Variants in SEMA6D observed in about 807,000 individuals in gnomAD.
SEMA6D encodes the protein semaphorin-6D.
Under a neutral mutation model 106.6 loss-of-function variants are expected in SEMA6D, and 35 were observed. The observed-to-expected ratio is 0.33, with a 90% CI of 0.25 to 0.44. The LOEUF is 0.44. Among genes scored for constraint, SEMA6D ranks in the 20% least tolerant of loss-of-function variants. The pLI is 1.00. For missense variants in SEMA6D, 1,185 were observed against 1,345.9 expected (o/e 0.88, Z 1.87); for synonymous variants, 499 against 487.7 (o/e 1.02, Z -0.31).
Position 47,768,704 on chromosome 15 carries a change from C to T in SEMA6D, c.1889C>T (p.Pro630Leu). 6.2e-7 allele frequency: 1 copy of T among 1,613,494 alleles called. No individual in the cohort carries two copies. The highest frequency in any genetic ancestry group is 8.5e-7 in the Non-Finnish European group (1 of 1,179,590). The change falls in exon 18 of 19, where the codon CCA (proline) becomes CTA (leucine). Residue 630 changes from proline to leucine, a missense_variant. By Grantham distance (98) the Pro-to-Leu change is moderately conservative. Transcript: ENST00000536845. ...SSRKFVVQDD[P>L]NTSDFTDPLS... is the part of the protein sequence containing the mutation. ...CGGAAATTTGTAGTTCAAGATGATC[C>T]AAACACTTCTGATTTTACTGATCCT...
intron 1 of SEMA6D, among the ~76,000 whole-genome samples, chr15:47,723,232 C>A (rs1228777856): frequency 6.6e-6 from 1 of 152,140 alleles, no homozygotes; most frequent in African/African-American, 2.4e-5. Context: ...ACTTTACTTT[C>A]ATTTTTTATT....
intron 1 of SEMA6D, among the ~76,000 whole-genome samples, chr15:47,313,775 G>T (rs1002780408): frequency 1.3e-5 from 2 of 152,156 alleles, no homozygotes; most frequent in Non-Finnish European, 2.9e-5. Flanking sequence ...TGTTGTGCAG[G>T]CTGCTCTCAA....
intron 3 of SEMA6D, among the ~76,000 whole-genome samples, chr15:47,504,650 A>C (rs926955034): frequency 9.9e-5 from 15 of 152,126 alleles, no homozygotes; most frequent in African/African-American, 3.4e-4. Flanking sequence ...TTGATGTGCC[A>C]CAAAACGGGT....
At chr15:47,349,850 C>A (rs1017953988) in intron 1 of SEMA6D, among the ~76,000 whole-genome samples, 1 of 152,118 alleles carries the variant, frequency 6.6e-6, no homozygotes, top group African/African-American at 2.4e-5. Flanking sequence ...GAGATAAACT[C>A]CTCATCCATG....
intron 1 of SEMA6D, among the ~76,000 whole-genome samples, chr15:47,196,102 C>T (rs914769589): frequency 2.6e-5 from 4 of 151,770 alleles, no homozygotes; most frequent in African/African-American, 4.8e-5. Flanking sequence ...ATAGCCCACA[C>T]GTTGTAGGTC....
chr15:47,481,907 A>G (rs1394308659), intron 3 of SEMA6D, among the ~76,000 whole-genome samples: 1 of 152,186 alleles, frequency 6.6e-6, no homozygotes, highest in Non-Finnish European at 1.5e-5. Context: ...AGGTCTGGTT[A>G]ATTACAGAAA....
rs375940396 is a variant in SEMA6D, at chr15:47,226,258, G to A, written c.-239+41840G>A. ...GATTTTCCCTTCACAGACCTGAGAAGGAACTGCCTTGCCAACATCTTGATC... is the reference window on the plus strand; with the variant it reads ...GATTTTCCCTTCACAGACCTGAGAAAGAACTGCCTTGCCAACATCTTGATC... On this transcript the variant is annotated intron_variant, in intron 1 of 19. Transcript: ENST00000558014. Among the ~76,000 whole-genome samples, 46 of 152,210 alleles carry A rather than the reference G, an allele frequency of 3.0e-4. 1 individual carries two copies. The highest frequency in any genetic ancestry group is 9.9e-4 in the African/African-American group (41 of 41,572).
In SEMA6D at chr15:47,505,171, A is replaced by G. The variant is rs532819175; in HGVS notation, c.-87+34626A>G. On this transcript the variant is annotated intron_variant, in intron 3 of 19. Transcript: ENST00000558014. ...ATGAAGGGAAGAGAAAGGACCATAA[A>G]TATGCTCTTCTGTCCCACCTCTTCT... is the stretch of plus-strand genomic sequence containing the variant. 2.0e-3 allele frequency among the ~76,000 whole-genome samples: 300 copies of G among 152,202 alleles called. 1 individual carries two copies. The highest frequency in any genetic ancestry group is 3.2e-3 in the Non-Finnish European group (215 of 68,006).
intron 3 of SEMA6D, among the ~76,000 whole-genome samples, chr15:47,592,730 T>G (rs2076462177): frequency 6.6e-6 from 1 of 152,222 alleles, no homozygotes; most frequent in Admixed American, 6.5e-5. Context: ...TGTAGAATTT[T>G]TATTTGCATT....
chr15:47,426,646 C>T (rs533444697), intron 2 of SEMA6D, among the ~76,000 whole-genome samples: 4 of 150,166 alleles, frequency 2.7e-5, no homozygotes, highest in South Asian at 2.1e-4. Flanking sequence ...TTTTCATTAT[C>T]ATATAATAGC....
At chr15:47,670,344 C>T (rs1249475660) in intron 4 of SEMA6D, among the ~76,000 whole-genome samples, 1 of 152,154 alleles carries the variant, frequency 6.6e-6, no homozygotes, top group Non-Finnish European at 1.5e-5. Flanking sequence ...AACATGGTAC[C>T]TTATCTGAGA....
chr15:47,336,756 A>G (rs1266795501), intron 1 of SEMA6D, among the ~76,000 whole-genome samples: 1 of 152,124 alleles, frequency 6.6e-6, no homozygotes, highest in African/African-American at 2.4e-5. Flanking sequence ...TGACTCTGAA[A>G]CAGTGTGGGG....
intron 1 of SEMA6D, among the ~76,000 whole-genome samples, chr15:47,187,306 A>G (rs1349233808): frequency 6.6e-6 from 1 of 152,244 alleles, no homozygotes; most frequent in African/African-American, 2.4e-5. Flanking sequence ...CTAAATATTC[A>G]TAAAAGGTTG....
Position 47,470,123 on chromosome 15 carries a change from T to C in SEMA6D, c.-158-351T>C, listed in dbSNP as rs534378954. ...GTTTAGAGACATACTTTAACCAAAATAAGACTTTTCCCATGAACTAATTGT... is the reference window on the plus strand; with the variant it reads ...GTTTAGAGACATACTTTAACCAAAACAAGACTTTTCCCATGAACTAATTGT... On this transcript the variant is annotated intron_variant, in intron 2 of 19. Coordinates refer to the SEMA6D transcript ENST00000558014. Among the ~76,000 whole-genome samples, 8 of 152,314 alleles carry C rather than the reference T, an allele frequency of 5.3e-5. No individual in the cohort carries two copies. In the East Asian group the frequency reaches 1.4e-3, roughly 26 times the overall value.
intron 3 of SEMA6D, among the ~76,000 whole-genome samples, chr15:47,563,209 T>C (rs1230852045): frequency 6.6e-6 from 1 of 152,208 alleles, no homozygotes; most frequent in East Asian, 1.9e-4. Flanking sequence ...ACAAATGGGC[T>C]CAAGGAAATT....
At chr15:47,306,148 AT>A (rs934846434) in intron 1 of SEMA6D, among the ~76,000 whole-genome samples, 12 of 151,304 alleles carry the variant, frequency 7.9e-5, no homozygotes, top group Admixed American at 5.9e-4. Context: ...TGCCCAACTA[AT>A]TTTTTTGTAT....
At chr15:47,556,644 T>C (rs2045924473) in intron 3 of SEMA6D, among the ~76,000 whole-genome samples, 1 of 152,104 alleles carries the variant, frequency 6.6e-6, no homozygotes, top group Non-Finnish European at 1.5e-5. Flanking sequence ...CTAAAGATAT[T>C]TTGGAAACAC....
chr15:47,740,196 A>G (rs567610433), intron 1 of SEMA6D, among the ~76,000 whole-genome samples: 18 of 152,296 alleles, frequency 1.2e-4, no homozygotes, highest in Non-Finnish European at 1.8e-4. Context: ...AGGTTGGGTT[A>G]TAGTATTTTT....
chr15:47,570,121 G>A (rs1183091799), intron 3 of SEMA6D, among the ~76,000 whole-genome samples: 2 of 152,038 alleles, frequency 1.3e-5, no homozygotes, highest in Non-Finnish European at 2.9e-5. Context: ...GTATCATTTG[G>A]TTTTCTTTTC....
Sources: gnomAD v4.1 joint callset for allele counts (sites outside exome capture counted in the v4.1 genomes callset) on GRCh38, gnomAD v4.1.1 for gene constraint, MANE v1.5 for transcripts, NCBI Gene and HGNC (gene_info 2026-07-23, HGNC 2026-07-21) for gene names.